Variants in SOCS3 observed in about 807,000 individuals in gnomAD.
SOCS3 encodes STAT-induced STAT inhibitor 3.
In SOCS3, 5 loss-of-function variants were observed where a neutral mutation model predicts 11.7. The observed-to-expected ratio is 0.43, with a 90% confidence interval of 0.22 to 0.90. The LOEUF (loss-of-function observed/expected upper bound fraction) is 0.90. Among genes scored for constraint, SOCS3 ranks in the 40% least tolerant of loss-of-function variants. The pLI is 0.27. For missense variants in SOCS3, 203 were observed against 302.0 expected, an observed-to-expected ratio of 0.67 and a Z score of 2.43; for synonymous variants, 143 against 136.3, an observed-to-expected ratio of 1.05 and a Z score of -0.34.
At position 78,358,584 on chromosome 17, in the gene SOCS3, C is replaced by T. The variant is rs766453661; in HGVS notation, c.512G>A (p.Gly171Asp). The T allele has an allele frequency of 6.2e-7, 1 of 1,612,884 alleles. No homozygotes were observed. The change falls in exon 2 of 2, where the codon GGC becomes GAC. Residue 171 changes from glycine to aspartate, a missense_variant. Physicochemically the swap from Gly to Asp is moderately conservative, Grantham distance 94 (BLOSUM62 -1). Around this residue, in one of 3 missense-constraint regions of SOCS3, gnomAD observed 141 missense variants for 200.5 expected, o/e 0.70. Coordinates refer to ENST00000330871, the MANE Select transcript of SOCS3 (RefSeq NM_003955.5). This position sits in a 1 kb window ranked among gnomAD's most constrained non-coding sequence, Gnocchi z 4.7. The part of the protein sequence containing the change: ...PRRAYYIYSG[G>D]EKIPLVLSRP... ...GCTCAACACCAGGGGGATCTTCTCG[C>T]CCCCGGAGTAGATGTAATAGGCTCT... is the stretch of plus-strand genomic sequence containing the variant.
chr17:78,360,345 C>T (rs1243609199), upstream of SOCS3: 1 of 150,998 alleles, frequency 6.6e-6, no homozygotes. The surrounding 1 kb of genome is among the most constrained non-coding windows in gnomAD (Gnocchi z 5.6). Flanking sequence ...CGGCGCGTTC[C>T]TGGCAGCGGC....
Position 78,359,199 on chromosome 17 carries a change from CG to C in SOCS3, c.-88-17del, listed in dbSNP as rs1219416183. ...TCCCGGGGGGCTGCGGAGAGGAAGG[CG>C]CGAGCGCGTTGAGTGCCCGGAACCC... On this transcript the variant is annotated splice_polypyrimidine_tract_variant and intron_variant, in intron 1 of 1. Coordinates refer to ENST00000330871, the MANE Select transcript of SOCS3 (RefSeq NM_003955.5). 1.4e-5 allele frequency: 18 copies of C among 1,293,048 alleles called. No homozygotes were observed. Among genetic ancestry groups the C allele is most frequent in the Non-Finnish European group, 1.9e-5 (18 of 965,252 alleles). 80.1% of individuals were successfully genotyped at this position (1,293,048 alleles called of 1,614,324 possible).
In SOCS3 at chr17:78,357,022, AAT is replaced by A. The variant is rs1197698329; in HGVS notation, c.*1394_*1395del. ...TTAAAAAACAAGAAACAAACAAAAAAATAGAGAAAAAAACCACCCCAACACAC... is the reference window on the plus strand; with the variant it reads ...TTAAAAAACAAGAAACAAACAAAAAAAGAGAAAAAAACCACCCCAACACAC... On this transcript the variant is annotated 3_prime_UTR_variant, in exon 2 of 2. Transcript: ENST00000330871. The surrounding 1 kb of genome is among the most constrained non-coding windows in gnomAD (Gnocchi z 7.0). 1 of 152,364 alleles carries A rather than the reference AAT, an allele frequency of 6.6e-6. No homozygotes were observed. Among genetic ancestry groups the A allele is most frequent in the African/African-American group, 2.4e-5 (1 of 41,344 alleles). The allele number at this position is 152,364 out of a possible 1,614,324, so 9.4% of individuals were successfully genotyped here.
Position 78,358,301 on chromosome 17 carries a change from T to G in SOCS3, c.*117A>C. 1.0e-6 allele frequency: 1 copy of G among 966,684 alleles called. No individual in the cohort carries two copies. Among genetic ancestry groups the G allele is most frequent in the Non-Finnish European group, 1.6e-6 (1 of 630,770 alleles). 59.9% of individuals were successfully genotyped at this position (966,684 alleles called of 1,614,324 possible). ...GAGGGAGGGGCCTGTCCGCCCTCTT[T>G]CCCCCCAGAGCTACAGGACTCTCTC... On this transcript the variant is annotated 3_prime_UTR_variant, in exon 2 of 2. Coordinates refer to ENST00000330871, the MANE Select transcript of SOCS3 (RefSeq NM_003955.5). The surrounding 1 kb of genome is among the most constrained non-coding windows in gnomAD (Gnocchi z 4.7).
At chr17:78,359,408 C>T (rs372139426) in intron 1 of SOCS3, among the ~76,000 whole-genome samples, 86 of 152,230 alleles carry the variant, frequency 5.6e-4, no homozygotes, top group Non-Finnish European at 1.0e-3. Flanking sequence ...ACTGCAAGGG[C>T]GCAGCGTGGG....
intron 1 of SOCS3, 26 bp from the exon 2 acceptor site, chr17:78,359,209 T>C (rs902386726): frequency 2.5e-6 from 3 of 1,198,324 alleles, no homozygotes; most frequent in Non-Finnish European, 3.4e-6. Context: ...CGCGAGCGCG[T>C]TGAGTGCCCG....
rs1166916717 is a variant in SOCS3 at position 78,357,594 on chromosome 17, C to T, written c.*824G>A. ...GGCACAGAGTAGAATCCCCTGTCTT[C>T]TCTACCAGGAGCCTGAGGTGAAAGA... On this transcript the variant is annotated 3_prime_UTR_variant, in exon 2 of 2. Transcript: ENST00000330871. The surrounding 1 kb of genome is among the most constrained non-coding windows in gnomAD (Gnocchi z 7.0). The T allele has an allele frequency of 6.6e-6, 1 of 152,342 alleles. No homozygotes were observed. The highest frequency in any genetic ancestry group is 2.4e-5 in the African/African-American group (1 of 41,446). The allele number at this position is 152,342 out of a possible 1,614,324, so 9.4% of individuals were successfully genotyped here. A position where few individuals can be genotyped will look rare whatever the true frequency, so the allele number is the denominator to read the frequency against.
Position 78,358,802 on chromosome 17 carries a change from C to G in SOCS3, c.294G>C (p.Glu98Asp). The G allele has an allele frequency of 6.2e-7, 1 of 1,613,216 alleles. No homozygotes were observed. The highest frequency in any genetic ancestry group is 8.5e-7 in the Non-Finnish European group (1 of 1,179,898). Residue 98 changes from glutamate (E) to aspartate (D), a missense_variant, in exon 2 of 2, where the codon GAG becomes GAC. Glu to Asp is a conservative substitution (Grantham distance 45). Transcript: ENST00000330871. This position sits in a 1 kb window ranked among gnomAD's most constrained non-coding sequence, Gnocchi z 4.7. Reference protein sequence around the residue: ...SGTKNLRIQCEGGSFSLQSDP... With the variant: ...SGTKNLRIQCDGGSFSLQSDP... ...CGCTCTGCAGAGAGAAGCTGCCCCC[C>G]TCACACTGGATGCGCAGGTTCTTGG...
Position 78,358,869 on chromosome 17 carries a change from T to C in SOCS3, c.227A>G (p.Gln76Arg). 6.2e-7 allele frequency: 1 copy of C among 1,612,208 alleles called. No individual in the cohort carries two copies. The highest frequency in any genetic ancestry group is 8.5e-7 in the Non-Finnish European group (1 of 1,179,562). ...GACGCTGAGCGTGAAGAAGTGGCGC[T>C]GGTCCGAGCTGTCGCGGATCAGAAA... ...GTFLIRDSSD[Q>R]RHFFTLSVKT... Residue 76 changes from glutamine to arginine, a missense_variant, in exon 2 of 2, where the codon CAG becomes CGG. This residue lies in a region of SOCS3 where 141 missense variants were observed against 200.5 expected (regional missense o/e 0.70). Coordinates refer to ENST00000330871, the MANE Select transcript of SOCS3 (RefSeq NM_003955.5). This position sits in a 1 kb window ranked among gnomAD's most constrained non-coding sequence, Gnocchi z 4.7.
rs757855457 is a variant in SOCS3, at chr17:78,358,901, G to A, written c.195C>T (p.Ala65=). 5.0e-6 allele frequency: 8 copies of A among 1,605,560 alleles called. 1 individual carries two copies. In the East Asian group the frequency reaches 6.7e-5, roughly 14 times the overall value. The change falls in exon 2 of 2, where the codon GCC becomes GCT. Residue 65 remains alanine (A), a synonymous_variant. Transcript: ENST00000330871. This position sits in a 1 kb window ranked among gnomAD's most constrained non-coding sequence, Gnocchi z 4.7. ...AGCTGTCGCGGATCAGAAAGGTGCC[G>A]GCGGGCTCGGCACTGAGCAGCAGGT... ...EANLLLSAEP[A]GTFLIRDSSD...
At position 78,358,586 on chromosome 17, in the gene SOCS3, C is replaced by G; in HGVS notation, c.510G>C (p.Gly170=). ...TCAACACCAGGGGGATCTTCTCGCC[C>G]CCGGAGTAGATGTAATAGGCTCTTC... The part of the protein sequence containing the change: ...PPRRAYYIYS[G]GEKIPLVLSR... The change falls in exon 2 of 2, where the codon GGG becomes GGC. Residue 170 remains glycine, a synonymous_variant. Coordinates refer to ENST00000330871, the MANE Select transcript of SOCS3 (RefSeq NM_003955.5). The surrounding 1 kb of genome is among the most constrained non-coding windows in gnomAD (Gnocchi z 4.7). 1.2e-6 allele frequency: 2 copies of G among 1,612,908 alleles called. No individual in the cohort carries two copies. Among genetic ancestry groups the G allele is most frequent in the South Asian group, 1.1e-5 (1 of 91,048 alleles).
chr17:78,359,088 G>A lies in SOCS3; in HGVS notation c.8C>T (p.Thr3Ile). The change falls in exon 2 of 2, where the codon ACC (threonine) becomes ATC (isoleucine). Residue 3 changes from threonine (T) to isoleucine (I), a missense_variant. Around this residue, in one of 3 missense-constraint regions of SOCS3, gnomAD observed 57 missense variants for 74.2 expected, o/e 0.77. Coordinates refer to ENST00000330871, the MANE Select transcript of SOCS3 (RefSeq NM_003955.5). ...CCCGGCGGCGGGAAACTTGCTGTGGGTGACCATGGCGCACGGAGCCAGCGT... is the reference window on the plus strand; with the variant it reads ...CCCGGCGGCGGGAAACTTGCTGTGGATGACCATGGCGCACGGAGCCAGCGT... MV[T>I]HSKFPAAGMS... is the part of the protein sequence containing the mutation. 6.4e-7 allele frequency: 1 copy of A among 1,559,334 alleles called. No homozygotes were observed. The highest frequency in any genetic ancestry group is 8.7e-7 in the Non-Finnish European group (1 of 1,152,280).
chr17:78,357,115 CAAAA>C lies in SOCS3; in HGVS notation c.*1299_*1302del, dbSNP rs1567910151. ...GTGTTTGTTTAGTTGCCCCCCCCCACAAAAACAAAAACAAAAACAAAAACAAAAA... is the reference window on the plus strand; with the variant it reads ...GTGTTTGTTTAGTTGCCCCCCCCCACACAAAAACAAAAACAAAAACAAAAA... On this transcript the variant is annotated 3_prime_UTR_variant, in exon 2 of 2. Transcript: ENST00000330871. The surrounding 1 kb of genome is among the most constrained non-coding windows in gnomAD (Gnocchi z 7.0). The C allele has an allele frequency of 1.3e-5, 2 of 151,844 alleles. No individual in the cohort carries two copies. Among genetic ancestry groups the C allele is most frequent in the African/African-American group, 4.9e-5 (2 of 41,194 alleles). 9.4% of individuals were successfully genotyped at this position (151,844 alleles called of 1,614,324 possible).
Position 78,358,331 on chromosome 17 carries a change from T to C in SOCS3, c.*87A>G. On this transcript the variant is annotated 3_prime_UTR_variant, in exon 2 of 2. Transcript: ENST00000330871. This position sits in a 1 kb window ranked among gnomAD's most constrained non-coding sequence, Gnocchi z 4.7. ...CCAGAGCTACAGGACTCTCTCCTGGTTGGCTTCTTGTGCTTGTGCCATGTG... is the reference window on the plus strand; with the variant it reads ...CCAGAGCTACAGGACTCTCTCCTGGCTGGCTTCTTGTGCTTGTGCCATGTG... The C allele has an allele frequency of 7.7e-7, 1 of 1,299,982 alleles. No individual in the cohort carries two copies. The highest frequency in any genetic ancestry group is 1.1e-6 in the Non-Finnish European group (1 of 904,980). The allele number at this position is 1,299,982 out of a possible 1,614,324, so 80.5% of individuals were successfully genotyped here.
In SOCS3 at chr17:78,359,844, C is replaced by T; in HGVS notation, c.-183G>A. On this transcript the variant is annotated 5_prime_UTR_variant, in exon 1 of 2. Coordinates refer to ENST00000330871, the MANE Select transcript of SOCS3 (RefSeq NM_003955.5). ...AGACGGCCAGCGGTGGCCCGCGCTG[C>T]GCCCAGATGTTGGCGGCCGTGAAGT... The T allele has an allele frequency of 6.4e-6, 1 of 155,504 alleles. No homozygotes were observed. The highest frequency in any genetic ancestry group is 1.4e-5 in the Non-Finnish European group (1 of 70,130). 9.6% of individuals were successfully genotyped at this position (155,504 alleles called of 1,614,324 possible). A position where few individuals can be genotyped will look rare whatever the true frequency, so the allele number is the denominator to read the frequency against.
At position 78,358,642 on chromosome 17, in the gene SOCS3, A is replaced by G; in HGVS notation, c.454T>C (p.Ser152Pro). The G allele has an allele frequency of 1.9e-6, 3 of 1,606,130 alleles. No individual in the cohort carries two copies. The highest frequency in any genetic ancestry group is 2.2e-5 in the South Asian group (2 of 90,774). Residue 152 changes from serine (S) to proline (P), a missense_variant, in exon 2 of 2, where the codon TCT becomes CCT. Physicochemically the swap from Ser to Pro is moderately conservative, Grantham distance 74. Around this residue, in one of 3 missense-constraint regions of SOCS3, gnomAD observed 141 missense variants for 200.5 expected, o/e 0.70. Transcript: ENST00000330871. The surrounding 1 kb of genome is among the most constrained non-coding windows in gnomAD (Gnocchi z 4.7). ...EPSSEVPEQP[S>P]AQPLPGSPPR... ...GGACTCCCAGGGAGTGGCTGGGCAG[A>G]CGGCTGCTCGGGCACCTCGGAGGAG...
In SOCS3 at chr17:78,358,758, G is replaced by T. The variant is rs746648338; in HGVS notation, c.338C>A (p.Pro113His). ...GAGCACGCAGTCGAAGCGGGGCACG[G>T]GCTGCGTGCTCCGGGGATCGCTCTG... ...SLQSDPRSTQ[P>H]VPRFDCVLKL... The change falls in exon 2 of 2, where the codon CCC becomes CAC. Residue 113 changes from proline (P) to histidine (H), a missense_variant. Pro to His is a moderately conservative substitution (Grantham distance 77). Coordinates refer to ENST00000330871, the MANE Select transcript of SOCS3 (RefSeq NM_003955.5). This position sits in a 1 kb window ranked among gnomAD's most constrained non-coding sequence, Gnocchi z 4.7. The T allele has an allele frequency of 2.6e-5, 42 of 1,613,026 alleles. 1 individual carries two copies. In the South Asian group the frequency reaches 3.6e-4, roughly 14 times the overall value.
chr17:78,359,238 G>A (rs1432086145), intron 1 of SOCS3, 55 bp from the exon 2 acceptor site: 7 of 781,618 alleles, frequency 9.0e-6, no homozygotes, highest in African/African-American at 1.9e-5. Flanking sequence ...CAGCGCGCCC[G>A]GCCCGCCCCG....
Position 78,358,607 on chromosome 17 carries a change from T to C in SOCS3, c.489A>G (p.Arg163=). Residue 163 remains arginine (R), a synonymous_variant, in exon 2 of 2, where the codon AGA becomes AGG. Coordinates refer to ENST00000330871, the MANE Select transcript of SOCS3 (RefSeq NM_003955.5). This position sits in a 1 kb window ranked among gnomAD's most constrained non-coding sequence, Gnocchi z 4.7. ...CGCCCCCGGAGTAGATGTAATAGGC[T>C]CTTCTGGGGGGACTCCCAGGGAGTG... ...AQPLPGSPPR[R]AYYIYSGGEK... The C allele has an allele frequency of 6.2e-7, 1 of 1,610,886 alleles. No homozygotes were observed. The highest frequency in any genetic ancestry group is 8.5e-7 in the Non-Finnish European group (1 of 1,178,506).
Sources: gnomAD v4.1 joint callset for allele counts (sites outside exome capture counted in the v4.1 genomes callset) on GRCh38, gnomAD v4.1.1 for gene constraint, gnomAD v4.1.1 regional missense constraint, Gnocchi (gnomAD v3.1) non-coding constraint, MANE v1.5 for transcripts, NCBI Gene and HGNC (gene_info 2026-07-23, HGNC 2026-07-21) for gene names.